The following INSL6 variants were observed in gnomAD, a reference collection of about 807,000 sequenced individuals.
The protein encoded by INSL6 is insulin-like peptide INSL6.
Under a neutral mutation model 9.4 loss-of-function variants are expected in INSL6, and 16 were observed. The ratio of observed to expected loss-of-function variants is 1.70; its 90% confidence interval spans 1.15 to 2.59. The LOEUF is 2.59. Ranked by LOEUF, INSL6 falls within the 30% of genes most tolerant of loss-of-function variation. The pLI, the probability that INSL6 is intolerant of heterozygous loss-of-function variation, is 0.00. For missense variants in INSL6, 391 were observed against 257.3 expected, an observed-to-expected ratio of 1.52 and a Z score of -3.56; for synonymous variants, 154 against 96.9, an observed-to-expected ratio of 1.59 and a Z score of -3.46.
the INSL6 span, among the ~76,000 whole-genome samples, chr9:5,037,991 G>A: frequency 2.9e-3 from 437 of 152,160 alleles, no homozygotes; most frequent in African/African-American, 0.01. Context: ...AATATATAGC[G>A]TCACTAGTTA....
the INSL6 span, chr9:5,077,601 A>T: frequency 6.3e-5 from 89 of 1,418,916 alleles, 2 homozygotes; most frequent in East Asian, 2.3e-3. Flanking sequence ...CAACCTTTTT[A>T]TCAAAAGATA....
the INSL6 span, among the ~76,000 whole-genome samples, chr9:5,084,662 C>T: frequency 6.6e-6 from 1 of 151,918 alleles, no homozygotes; most frequent in Non-Finnish European, 1.5e-5. Context: ...TCCTCATGCC[C>T]ACATATACTT....
the INSL6 span, among the ~76,000 whole-genome samples, chr9:5,063,911 A>G: frequency 1.3e-5 from 2 of 152,264 alleles, no homozygotes; most frequent in African/African-American, 4.8e-5. Context: ...TAATCCCAGC[A>G]CTTTGGGAGG....
In INSL6 at chr9:5,185,633, G is replaced by C. The variant is rs1371908724; in HGVS notation, c.-31C>G. 3.1e-6 allele frequency: 5 copies of C among 1,589,850 alleles called. No individual in the cohort carries two copies. Among genetic ancestry groups the C allele is most frequent in the Non-Finnish European group, 4.3e-6 (5 of 1,169,912 alleles). On this transcript the variant is annotated 5_prime_UTR_variant, in exon 1 of 2. Transcript: ENST00000381641. Reference sequence around the variant, plus strand: ...TGACCCCAGGCTAGTCCTCCGCGTTGTGCAATGGCGGTCGGCCGGACCCTG... The same window carrying C: ...TGACCCCAGGCTAGTCCTCCGCGTTCTGCAATGGCGGTCGGCCGGACCCTG...
the INSL6 span, chr9:5,080,573 C>T: frequency 1.2e-6 from 2 of 1,600,368 alleles, no homozygotes; most frequent in Admixed American, 3.5e-5. Flanking sequence ...CTTCCTGCAC[C>T]AAAGTGGGCA....
At chr9:5,085,844 A>G in the INSL6 span, 1 of 765,650 alleles carries the variant, frequency 1.3e-6, no homozygotes, top group Non-Finnish European at 2.4e-6. Flanking sequence ...CTTTTACATC[A>G]AAGTAGTACT....
intron 3 of INSL6, among the ~76,000 whole-genome samples, chr9:5,130,702 TTTTTTTTATTTTTTTTA>T (rs1326551341): frequency 6.8e-6 from 1 of 147,800 alleles, no homozygotes; most frequent in East Asian, 1.9e-4. Context: ...ATGAATTTTC[TTTTTTTTATTTTTTTTA>T]TTTTTTATTT....
the INSL6 span, among the ~76,000 whole-genome samples, chr9:5,019,782 G>GT: frequency 6.6e-6 from 1 of 152,182 alleles, no homozygotes; most frequent in Non-Finnish European, 1.5e-5. Context: ...TGTAGTCTCT[G>GT]TAAGATTTTT....
intron 2 of INSL6, among the ~76,000 whole-genome samples, chr9:5,157,478 T>C (rs1362450691): frequency 6.6e-6 from 1 of 152,128 alleles, no homozygotes; most frequent in Non-Finnish European, 1.5e-5. Flanking sequence ...TTGTAAGGCA[T>C]AGCCTTTACA....
chr9:5,113,949 C>G, the INSL6 span: 6 of 261,282 alleles, frequency 2.3e-5, no homozygotes, highest in African/African-American at 1.4e-4. Context: ...TGTGCCTCAT[C>G]TCTGGGTACA....
At chr9:5,014,801 G>A in the INSL6 span, among the ~76,000 whole-genome samples, 1 of 152,112 alleles carries the variant, frequency 6.6e-6, no homozygotes, top group Non-Finnish European at 1.5e-5. Flanking sequence ...CCCACCCCAG[G>A]AACTAGAATG....
chr9:5,152,461 C>G (rs1231692136), intron 2 of INSL6, among the ~76,000 whole-genome samples: 2 of 151,214 alleles, frequency 1.3e-5, no homozygotes, highest in African/African-American at 4.9e-5. Flanking sequence ...ACCCATGGGT[C>G]AAGAAAAATC....
At chr9:5,031,467 G>A in the INSL6 span, among the ~76,000 whole-genome samples, 1 of 152,148 alleles carries the variant, frequency 6.6e-6, no homozygotes, top group Non-Finnish European at 1.5e-5. Flanking sequence ...TATTAACGTG[G>A]AAGGGAGAGA....
chr9:5,105,488 C>T, the INSL6 span, among the ~76,000 whole-genome samples: 4 of 152,130 alleles, frequency 2.6e-5, no homozygotes, highest in Non-Finnish European at 4.4e-5. Flanking sequence ...GGCGATACTG[C>T]CCAAAGTAAT....
At chr9:5,037,038 A>G in the INSL6 span, among the ~76,000 whole-genome samples, 1 of 152,362 alleles carries the variant, frequency 6.6e-6, no homozygotes, top group Admixed American at 6.5e-5. Flanking sequence ...CCCATCAAAA[A>G]GTGGGCGAAG....
chr9:5,055,816 G>T, the INSL6 span: 14 of 1,584,522 alleles, frequency 8.8e-6, no homozygotes, highest in East Asian at 2.9e-4. Flanking sequence ...TTGAATAATG[G>T]TTTCATTTTA....
the INSL6 span, among the ~76,000 whole-genome samples, chr9:5,064,113 G>A: frequency 3.9e-5 from 6 of 152,274 alleles, no homozygotes; most frequent in East Asian, 7.7e-4. Context: ...CCAAGATCGC[G>A]CCATTGCACT....
chr9:5,119,749 C>G (rs1823471784), downstream of INSL6, among the ~76,000 whole-genome samples: 1 of 152,096 alleles, frequency 6.6e-6, no homozygotes, highest in African/African-American at 2.4e-5. Flanking sequence ...GTATGAAAAT[C>G]AGAAATAACT....
chr9:5,063,055 C>T, the INSL6 span, among the ~76,000 whole-genome samples: 1 of 151,968 alleles, frequency 6.6e-6, no homozygotes, highest in Non-Finnish European at 1.5e-5. Flanking sequence ...TTTGTGTTAG[C>T]TAAATACCTT....
Sources: gnomAD v4.1 joint callset for allele counts (sites outside exome capture counted in the v4.1 genomes callset) on GRCh38, gnomAD v4.1.1 for gene constraint, MANE v1.5 for transcripts, NCBI Gene and HGNC (gene_info 2026-07-23, HGNC 2026-07-21) for gene names.